Variants in PEX5L observed in about 807,000 individuals in gnomAD.
PEX5L encodes PEX5-related protein.
Under a neutral mutation model 84.0 loss-of-function variants are expected in PEX5L, and 30 were observed. The ratio of observed to expected loss-of-function variants is 0.36; its 90% CI spans 0.27 to 0.48. The LOEUF is 0.48. Among genes scored for constraint, PEX5L ranks in the 20% least tolerant of loss-of-function variants. The probability of loss-of-function intolerance (pLI) is 0.99; values close to 1 mark genes in which losing one functional copy is unlikely to be tolerated. For missense variants in PEX5L, 533 were observed against 754.6 expected (o/e 0.71, Z 3.44); for synonymous variants, 270 against 283.1 (o/e 0.95, Z 0.46).
At chr3:180,023,360 G>A (rs1790588930) in intron 1 of PEX5L, among the ~76,000 whole-genome samples, 1 of 152,180 alleles carries the variant, frequency 6.6e-6, no homozygotes, top group Admixed American at 6.5e-5. Context: ...TGCTATATCA[G>A]GGATAGCTTT....
At chr3:179,933,636 C>T (rs1292329315) in intron 2 of PEX5L, among the ~76,000 whole-genome samples, 1 of 152,178 alleles carries the variant, frequency 6.6e-6, no homozygotes, top group Non-Finnish European at 1.5e-5. Flanking sequence ...TTTACTTTTC[C>T]TCTTCCTATT....
At chr3:179,849,852 T>C (rs1224528471) in intron 8 of PEX5L, among the ~76,000 whole-genome samples, 2 of 152,230 alleles carry the variant, frequency 1.3e-5, no homozygotes, top group Admixed American at 6.5e-5. Context: ...GATTTAAAGT[T>C]AAGGGAATTT....
chr3:179,810,855 G>A (rs1341457212), intron 11 of PEX5L, among the ~76,000 whole-genome samples: 2 of 152,058 alleles, frequency 1.3e-5, no homozygotes, highest in South Asian at 2.1e-4. Flanking sequence ...CCCTCCAAAC[G>A]ATTCTAATGT....
chr3:180,033,742 A>T (rs1561092657), intron 1 of PEX5L, among the ~76,000 whole-genome samples: 1 of 152,226 alleles, frequency 6.6e-6, no homozygotes, highest in East Asian at 1.9e-4. Flanking sequence ...AAACAGTCAC[A>T]AAAGAAGCAA....
intron 8 of PEX5L, among the ~76,000 whole-genome samples, chr3:179,847,031 GCCTC>G (rs1310676332): frequency 6.7e-6 from 1 of 149,718 alleles, no homozygotes; most frequent in Non-Finnish European, 1.5e-5. Flanking sequence ...CGCTCTCCCT[GCCTC>G]CCTCTCTCTC....
intron 2 of PEX5L, among the ~76,000 whole-genome samples, chr3:179,960,947 T>C (rs981677213): frequency 6.6e-6 from 1 of 152,218 alleles, no homozygotes; most frequent in African/African-American, 2.4e-5. Context: ...CTATGCTTAG[T>C]GTTTTTCTAC....
chr3:179,885,647 G>GAA (rs113259941), intron 4 of PEX5L, among the ~76,000 whole-genome samples: 29 of 120,406 alleles, frequency 2.4e-4, no homozygotes, highest in African/African-American at 5.1e-4. Context: ...CTCCGTCTCA[G>GAA]AAAAAAAAAA....
intron 2 of PEX5L, among the ~76,000 whole-genome samples, chr3:179,906,488 T>C (rs1763260061): frequency 6.6e-6 from 1 of 152,234 alleles, no homozygotes; most frequent in African/African-American, 2.4e-5. Context: ...GCCTTTGGCC[T>C]TACATTGAGG....
intron 13 of PEX5L, among the ~76,000 whole-genome samples, chr3:179,808,057 A>G (rs940329797): frequency 6.6e-6 from 1 of 152,254 alleles, no homozygotes; most frequent in Non-Finnish European, 1.5e-5. Flanking sequence ...AACAACATCA[A>G]TTAGTGTTTC....
intron 8 of PEX5L, 126 bp from the exon 9 acceptor site, chr3:179,820,102 T>C (rs1577253288): frequency 1.5e-6 from 2 of 1,351,662 alleles, no homozygotes; most frequent in East Asian, 2.3e-5. Context: ...GACATCCAAC[T>C]GATAGGCGTG....
intron 2 of PEX5L, among the ~76,000 whole-genome samples, chr3:179,920,398 C>T (rs1384773658): frequency 6.6e-6 from 1 of 152,136 alleles, no homozygotes; most frequent in Non-Finnish European, 1.5e-5. Flanking sequence ...ATCCATCCCT[C>T]AGCTTTAAGT....
At chr3:179,939,754 G>A (rs1560812606) in intron 2 of PEX5L, among the ~76,000 whole-genome samples, 1 of 152,048 alleles carries the variant, frequency 6.6e-6, no homozygotes, top group Non-Finnish European at 1.5e-5. Flanking sequence ...GTGCACTCAG[G>A]CCCCCCCACT....
intron 8 of PEX5L, among the ~76,000 whole-genome samples, chr3:179,848,996 C>A (rs1305897994): frequency 6.6e-6 from 1 of 152,194 alleles, no homozygotes; most frequent in African/African-American, 2.4e-5. Context: ...AAAGAAGTTA[C>A]AAGGAACAGG....
chr3:179,908,680 C>T (rs909457098), intron 2 of PEX5L, among the ~76,000 whole-genome samples: 9 of 148,602 alleles, frequency 6.1e-5, no homozygotes, highest in Admixed American at 5.4e-4. Context: ...CATGTGTTCT[C>T]ATTGTTCAAT....
At chr3:179,815,541 C>T (rs1043136495) in intron 10 of PEX5L, among the ~76,000 whole-genome samples, 15 of 152,136 alleles carry the variant, frequency 9.9e-5, no homozygotes, top group East Asian at 9.6e-4. Context: ...GCAGAGATTG[C>T]GCCATTTCAC....
intron 2 of PEX5L, among the ~76,000 whole-genome samples, chr3:179,917,346 T>TA (rs200203868): frequency 0.018 from 2,662 of 151,594 alleles, 76 homozygotes; most frequent in African/African-American, 0.061. Flanking sequence ...TTTTTTTTTT[T>TA]TAAAATAAGC....
intron 8 of PEX5L, among the ~76,000 whole-genome samples, chr3:179,846,992 T>C (rs554773296): frequency 2.2e-4 from 34 of 151,726 alleles, no homozygotes; most frequent in Admixed American, 1.6e-3. Context: ...AATATGGAGA[T>C]ATATATAGAG....
At chr3:179,952,459 T>A (rs1490310406) in intron 2 of PEX5L, among the ~76,000 whole-genome samples, 1 of 152,204 alleles carries the variant, frequency 6.6e-6, no homozygotes, top group African/African-American at 2.4e-5. Flanking sequence ...ACAATGAGAC[T>A]GTTGAGGATA....
In PEX5L at chr3:180,031,367, G is replaced by A. The variant is rs533390069; in HGVS notation, c.21+5212C>T. 2.6e-5 allele frequency among the ~76,000 whole-genome samples: 4 copies of A among 152,198 alleles called. No homozygotes were observed. In the South Asian group the frequency reaches 6.2e-4, roughly 24 times the overall value. On this transcript the variant is annotated intron_variant, in intron 1 of 14. Coordinates refer to ENST00000467460, the MANE Select transcript of PEX5L (RefSeq NM_016559.3). ...GAGGTGAGGTAGAAGTGGATGAGGT[G>A]GGGGGTAAGGAAAAGGTCACTGAAA...
Sources: gnomAD v4.1 joint callset for allele counts (sites outside exome capture counted in the v4.1 genomes callset) on GRCh38, gnomAD v4.1.1 for gene constraint, MANE v1.5 for transcripts, NCBI Gene and HGNC (gene_info 2026-07-23, HGNC 2026-07-21) for gene names.